Variants in CEP68 observed in about 807,000 individuals in gnomAD.
CEP68 encodes the protein centrosomal protein 68, also known as centrosomal protein of 68 kDa.
In CEP68, 26 loss-of-function variants were observed where a neutral mutation model predicts 55.3. That is an observed-to-expected ratio of 0.47 (90% confidence interval 0.34 to 0.65). CEP68 has a LOEUF of 0.65. Among genes scored for constraint, CEP68 ranks in the 30% least tolerant of loss-of-function variants. The probability of loss-of-function intolerance (pLI) is 0.01; values close to 1 mark genes in which losing one functional copy is unlikely to be tolerated. For missense variants in CEP68, 957 were observed against 946.7 expected (o/e 1.01, Z -0.14); for synonymous variants, 402 against 383.2 (o/e 1.05, Z -0.57).
intron 1 of CEP68, among the ~76,000 whole-genome samples, chr2:65,056,953 C>A (rs1191316188): frequency 6.6e-6 from 1 of 152,212 alleles, no homozygotes; most frequent in African/African-American, 2.4e-5. Context: ...CCCAGCTCCC[C>A]AGTCGGGGCT....
At chr2:65,056,558 T>C in intron 1 of CEP68, 30 bp downstream of exon 1, 1 of 798 alleles carries the variant, frequency 1.3e-3, no homozygotes, top group East Asian at 0.05. Context: ...CGGGTGCTGG[T>C]GTCGGGGGTG....
At chr2:65,078,557 A>T (rs1212248483) in intron 5 of CEP68, among the ~76,000 whole-genome samples, 1 of 152,092 alleles carries the variant, frequency 6.6e-6, no homozygotes, top group Non-Finnish European at 1.5e-5. Context: ...TTTGCTTTTG[A>T]GATGGAGTTT....
intron 4 of CEP68, chr2:65,074,774 C>CT (rs1491209335): frequency 1.7e-5 from 4 of 242,130 alleles, no homozygotes; most frequent in Non-Finnish European, 3.3e-5. Flanking sequence ...ACCCCCCCCC[C>CT]TCAAAAAAAA....
Position 65,086,884 on chromosome 2 carries a change from A to G in CEP68, c.*3250A>G, listed in dbSNP as rs1669043679. 1 of 152,718 alleles carries G rather than the reference A, an allele frequency of 6.5e-6. No individual in the cohort carries two copies. The highest frequency in any genetic ancestry group is 2.4e-5 in the African/African-American group (1 of 41,564). 9.5% of individuals were successfully genotyped at this position (152,718 alleles called of 1,614,324 possible). A position where few individuals can be genotyped will look rare whatever the true frequency, so the allele number is the denominator to read the frequency against. The stretch of plus-strand genomic sequence containing the variant: ...AGTAAACTATGATTTTTATTGTGAA[A>G]TTTTCATAGATGGAAAATTGAATAT... On this transcript the variant is annotated 3_prime_UTR_variant, in exon 7 of 7. Transcript: ENST00000377990.
chr2:65,057,611 C>T (rs192597877), intron 1 of CEP68, among the ~76,000 whole-genome samples: 1 of 152,326 alleles, frequency 6.6e-6, no homozygotes, highest in African/African-American at 2.4e-5. Flanking sequence ...GTGGTTTCCC[C>T]AGCCCCTAGC....
At chr2:65,082,755 G>C (rs757014002) in intron 6 of CEP68, 46 bp downstream of exon 6, 3 of 1,457,090 alleles carry the variant, frequency 2.1e-6, no homozygotes, top group Non-Finnish European at 9.2e-7. Context: ...CAACCCTGCT[G>C]TAACAGTTGG....
At position 65,072,231 on chromosome 2, in the gene CEP68, C is replaced by G; in HGVS notation, c.1135C>G (p.Pro379Ala). Residue 379 changes from proline (P) to alanine (A), a missense_variant, in exon 3 of 7, where the codon CCC becomes GCC. By Grantham distance (27) the Pro-to-Ala change is conservative. Coordinates refer to ENST00000377990, the MANE Select transcript of CEP68 (RefSeq NM_015147.3). ...GPREPSLKQW[P>A]SRVPQKQGGM... ...CAGAGAGCCAAGCCTTAAGCAGTGG[C>G]CCTCCAGAGTACCCCAGAAACAGGG... 1 of 1,614,128 alleles carries G rather than the reference C, an allele frequency of 6.2e-7. No homozygotes were observed. Among genetic ancestry groups the G allele is most frequent in the Non-Finnish European group, 8.5e-7 (1 of 1,180,024 alleles).
At position 65,058,787 on chromosome 2, in the gene CEP68, G is replaced by T. The variant is rs185391563; in HGVS notation, c.-47+2259G>T. The stretch of plus-strand genomic sequence containing the variant: ...CTCCCAAAGTGCTGGGATTACAGGC[G>T]TGAGCCACCATGCCCAGCCTGATGT... On this transcript the variant is annotated intron_variant, in intron 1 of 6. Transcript: ENST00000377990. Among the ~76,000 whole-genome samples the T allele has an allele frequency of 2.4e-3, 363 of 152,178 alleles. 3 individuals carry two copies. Among genetic ancestry groups the T allele is most frequent in the Middle Eastern group, 0.01 (3 of 294 alleles).
At chr2:65,061,176 TA>T (rs957589192) in intron 1 of CEP68, among the ~76,000 whole-genome samples, 3 of 150,932 alleles carry the variant, frequency 2.0e-5, no homozygotes, top group Admixed American at 6.6e-5. Flanking sequence ...CATCTCAAAT[TA>T]AAAAAAAGAA....
intron 1 of CEP68, among the ~76,000 whole-genome samples, chr2:65,064,685 G>C (rs892772338): frequency 6.8e-6 from 1 of 147,682 alleles, no homozygotes; most frequent in African/African-American, 2.5e-5. Context: ...AGTGAGCTGA[G>C]ATAGCGCCAC....
chr2:65,061,897 C>T (rs1207795330), intron 1 of CEP68, among the ~76,000 whole-genome samples: 2 of 152,240 alleles, frequency 1.3e-5, no homozygotes, highest in African/African-American at 4.8e-5. Context: ...ATCTAGTTCC[C>T]CCAGAGTTCT....
chr2:65,069,555 G>A lies in CEP68; in HGVS notation c.111G>A (p.Met37Ile). Reference sequence around the variant, plus strand: ...GGGAGCTGGACATCCCAGGGCCCATGAGTGGGGAGCAGCCCCCACGCCTGG... The same window carrying A: ...GGGAGCTGGACATCCCAGGGCCCATAAGTGGGGAGCAGCCCCCACGCCTGG... ...RERELDIPGP[M>I]SGEQPPRLEA... The change falls in exon 2 of 7, where the codon ATG becomes ATA. Residue 37 changes from methionine (M) to isoleucine (I), a missense_variant. Physicochemically the swap from Met to Ile is conservative, Grantham distance 10. Transcript: ENST00000377990. 2 of 1,611,278 alleles carry A rather than the reference G, an allele frequency of 1.2e-6. No homozygotes were observed. The highest frequency in any genetic ancestry group is 1.7e-6 in the Non-Finnish European group (2 of 1,178,154).
chr2:65,067,824 G>A (rs980758402), intron 1 of CEP68, among the ~76,000 whole-genome samples: 5 of 152,196 alleles, frequency 3.3e-5, no homozygotes, highest in African/African-American at 9.7e-5. Flanking sequence ...GGAACTAGAC[G>A]AGCGTCCGTG....
In CEP68 at chr2:65,069,924, G is replaced by A. The variant is rs1676379526; in HGVS notation, c.357+123G>A. The A allele has an allele frequency of 6.7e-6, 6 of 897,318 alleles. No homozygotes were observed. The Admixed American group carries it at 1.3e-4, about 20-fold the overall frequency. 55.6% of individuals were successfully genotyped at this position (897,318 alleles called of 1,614,324 possible). On this transcript the variant is annotated intron_variant, in intron 2 of 6. Coordinates refer to ENST00000377990, the MANE Select transcript of CEP68 (RefSeq NM_015147.3). ...GCAGGGTGAGGAATTGGAGGGGCCT[G>A]AGTATGATGATTTCTGTTTTGCGGG...
intron 4 of CEP68, 31 bp downstream of exon 4, chr2:65,074,435 C>A (rs1203108694): frequency 3.1e-6 from 5 of 1,613,856 alleles, no homozygotes; most frequent in Non-Finnish European, 4.2e-6. Flanking sequence ...TGGCTTGTTC[C>A]CTCACAAGAG....
chr2:65,079,316 G>A (rs1676902310), intron 5 of CEP68, among the ~76,000 whole-genome samples: 1 of 152,180 alleles, frequency 6.6e-6, no homozygotes, highest in South Asian at 2.1e-4. Context: ...CCTATGCATT[G>A]CAGGATGTTT....
At position 65,066,030 on chromosome 2, in the gene CEP68, G is replaced by T. The variant is rs192326009; in HGVS notation, c.-46-3369G>T. Among the ~76,000 whole-genome samples, 612 of 152,044 alleles carry T rather than the reference G, an allele frequency of 4.0e-3. 3 individuals carry two copies. Among genetic ancestry groups the T allele is most frequent in the African/African-American group, 0.014 (562 of 41,460 alleles). ...GGGTTCAAGTTCGCAGGTAGCTGGA[G>T]CCTGTCCCAGCAGCTGAGGGTGTAA... On this transcript the variant is annotated intron_variant, in intron 1 of 6. Coordinates refer to ENST00000377990, the MANE Select transcript of CEP68 (RefSeq NM_015147.3).
At chr2:65,078,147 A>G (rs1214402245) in intron 5 of CEP68, among the ~76,000 whole-genome samples, 183 bp downstream of exon 5, 1 of 152,042 alleles carries the variant, frequency 6.6e-6, no homozygotes, top group Non-Finnish European at 1.5e-5. Context: ...GCCCCTACAC[A>G]CCTGCTTAGA....
In CEP68 at chr2:65,071,545, A is replaced by G. The variant is rs749938682; in HGVS notation, c.449A>G (p.Asp150Gly). Residue 150 changes from aspartate to glycine, a missense_variant, in exon 3 of 7, where the codon GAT becomes GGT. Physicochemically the swap from Asp to Gly is moderately conservative, Grantham distance 94. Coordinates refer to ENST00000377990, the MANE Select transcript of CEP68 (RefSeq NM_015147.3). The part of the protein sequence containing the change: ...TTTICSGHDA[D>G]TEDDPSLADL... ...ACTATTTGCTCAGGACATGATGCTGATACCGAAGATGATCCATCCCTAGCA... is the reference window on the plus strand; with the variant it reads ...ACTATTTGCTCAGGACATGATGCTGGTACCGAAGATGATCCATCCCTAGCA... 2 of 1,614,186 alleles carry G rather than the reference A, an allele frequency of 1.2e-6. No homozygotes were observed. Among genetic ancestry groups the G allele is most frequent in the Non-Finnish European group, 1.7e-6 (2 of 1,180,032 alleles).
Sources: allele counts gnomAD v4.1 joint callset (sites outside exome capture counted in the v4.1 genomes callset), GRCh38; gene constraint gnomAD v4.1.1; transcripts MANE v1.5; gene names NCBI Gene and HGNC (gene_info 2026-07-23, HGNC 2026-07-21).